The following NIPAL3 variants were observed in gnomAD, a reference collection of about 807,000 sequenced individuals.
NIPAL3 encodes the protein NIPA like domain containing 3, also known as NIPA-like protein 3.
In NIPAL3, 41 loss-of-function variants were observed where a neutral mutation model predicts 47.2. That is an observed-to-expected ratio of 0.87 (90% CI 0.68 to 1.13). The LOEUF (loss-of-function observed/expected upper bound fraction) is 1.13, where lower values mean the gene tolerates loss of function less well. NIPAL3 is among the 50% of genes most tolerant of loss of function. NIPAL3 has a pLI of 0.00. For synonymous variants in NIPAL3, 194 were observed against 209.6 expected (o/e 0.93, Z 0.64); for missense variants, 449 against 530.1 (o/e 0.85, Z 1.50).
chr1:24,432,017 T>G (rs1246397269), intron 2 of NIPAL3, among the ~76,000 whole-genome samples: 1 of 151,930 alleles, frequency 6.6e-6, no homozygotes, highest in Non-Finnish European at 1.5e-5. Flanking sequence ...CAGTTCAATG[T>G]ATGTTATGTG....
At chr1:24,437,472 A>C (rs1171916054) in intron 2 of NIPAL3, among the ~76,000 whole-genome samples, 1 of 152,212 alleles carries the variant, frequency 6.6e-6, no homozygotes, top group African/African-American at 2.4e-5. Flanking sequence ...GGCTAATAAT[A>C]AACATGTCCC....
At chr1:24,453,292 G>T (rs1646028838) in intron 6 of NIPAL3, 116 bp from the exon 7 acceptor site, 1 of 679,904 alleles carries the variant, frequency 1.5e-6, no homozygotes, top group Non-Finnish European at 2.6e-6. Flanking sequence ...CTGAATCATA[G>T]CTCAGTCATT....
At chr1:24,422,919 A>T (rs551925206) in intron 2 of NIPAL3, among the ~76,000 whole-genome samples, 2 of 152,340 alleles carry the variant, frequency 1.3e-5, no homozygotes, top group South Asian at 2.1e-4. Flanking sequence ...TATACAAATC[A>T]TAAGCTCTAG....
intron 2 of NIPAL3, among the ~76,000 whole-genome samples, chr1:24,422,688 C>T (rs1194974288): frequency 6.6e-6 from 1 of 152,174 alleles, no homozygotes; most frequent in Non-Finnish European, 1.5e-5. Context: ...ACACCAACTC[C>T]ATCATCCTGA....
intron 5 of NIPAL3, among the ~76,000 whole-genome samples, chr1:24,446,068 T>C (rs1358189588): frequency 2.5e-5 from 1 of 40,740 alleles, no homozygotes; most frequent in Non-Finnish European, 5.4e-5. Context: ...GAGATTATAG[T>C]CGTGTGTGTG....
In NIPAL3 at chr1:24,416,044, G is replaced by A; in HGVS notation, c.-258+140G>A. The A allele has an allele frequency of 2.0e-6, 2 of 985,552 alleles. No homozygotes were observed. Among genetic ancestry groups the A allele is most frequent in the Non-Finnish European group, 1.2e-6 (1 of 830,036 alleles). The allele number at this position is 985,552 out of a possible 1,614,324, so 61.1% of individuals were successfully genotyped here. On this transcript the variant is annotated intron_variant, in intron 1 of 11. Transcript: ENST00000374399. The surrounding 1 kb of genome is among the most constrained non-coding windows in gnomAD (Gnocchi z 4.8). ...CACCAGCCTCGCCAACCTGGGTCCC[G>A]TTGCCTTGGAATGTTCTTTCCAGTT...
rs1646815621 is a variant in NIPAL3 at position 24,469,049 on chromosome 1, A to G, written c.1085A>G (p.Tyr362Cys). 3.1e-6 allele frequency: 5 copies of G among 1,614,006 alleles called. No individual in the cohort carries two copies. In the African/African-American group the frequency reaches 4.0e-5, roughly 13 times the overall value. ...VQPELKASFS[Y>C]GALENNDNIS... ...CCTGAACTTAAAGCTTCTTTTTCCT[A>G]TGGGGCTCTGGAAAACAATGACAAC... Residue 362 changes from tyrosine (Y) to cysteine (C), a missense_variant, in exon 12 of 12, where the codon TAT (tyrosine) becomes TGT (cysteine). Transcript: ENST00000374399.
chr1:24,419,722 G>T lies in NIPAL3; in HGVS notation c.93+82G>T. On this transcript the variant is annotated intron_variant, in intron 2 of 11. Transcript: ENST00000374399. ...GTGCTCTGCATTGGCTAACAGATATGTATGGGGTCTGCATGCCTGTCACTG... is the reference window on the plus strand; with the variant it reads ...GTGCTCTGCATTGGCTAACAGATATTTATGGGGTCTGCATGCCTGTCACTG... 2.1e-5 allele frequency: 25 copies of T among 1,202,848 alleles called. 1 individual carries two copies. In the South Asian group the frequency reaches 3.3e-4, roughly 16 times the overall value. 74.5% of individuals were successfully genotyped at this position (1,202,848 alleles called of 1,614,324 possible).
chr1:24,424,387 G>C (rs1038001395), intron 2 of NIPAL3, among the ~76,000 whole-genome samples: 1 of 152,054 alleles, frequency 6.6e-6, no homozygotes, highest in East Asian at 1.9e-4. Context: ...ACCTAACACA[G>C]TGTCTGACCA....
In NIPAL3 at chr1:24,425,491, C is replaced by T. The variant is rs148358248; in HGVS notation, c.93+5851C>T. On this transcript the variant is annotated intron_variant, in intron 2 of 11. Coordinates refer to ENST00000374399, the MANE Select transcript of NIPAL3 (RefSeq NM_020448.5). ...GTCTAGGAGGGAGGTGGGGAAGATA[C>T]ATTTTCACAAGTGTTTACCCCTCAA... 3.4e-3 allele frequency among the ~76,000 whole-genome samples: 511 copies of T among 152,256 alleles called. 1 individual carries two copies. Among genetic ancestry groups the T allele is most frequent in the Admixed American group, 5.1e-3 (78 of 15,294 alleles).
At chr1:24,432,889 A>C (rs1644938846) in intron 2 of NIPAL3, among the ~76,000 whole-genome samples, 1 of 152,232 alleles carries the variant, frequency 6.6e-6, no homozygotes, top group African/African-American at 2.4e-5. Flanking sequence ...CTCTCTAGTA[A>C]ACCCGATCAC....
chr1:24,470,957 GT>G lies in NIPAL3; in HGVS notation c.*1774del, dbSNP rs1393012637. The G allele has an allele frequency of 6.6e-6, 1 of 152,238 alleles. No individual in the cohort carries two copies. Among genetic ancestry groups the G allele is most frequent in the African/African-American group, 2.4e-5 (1 of 41,452 alleles). 9.4% of individuals were successfully genotyped at this position (152,238 alleles called of 1,614,324 possible). A position where few individuals can be genotyped will look rare whatever the true frequency, so the allele number is the denominator to read the frequency against. On this transcript the variant is annotated 3_prime_UTR_variant, in exon 12 of 12. Transcript: ENST00000374399. ...GACCCAGGCTACAAAATAAGACATAGTTCCTGCCCTCCAGGCCAGCAGAGGG... is the reference window on the plus strand; with the variant it reads ...GACCCAGGCTACAAAATAAGACATAGTCCTGCCCTCCAGGCCAGCAGAGGG...
At chr1:24,446,271 A>G (rs182082336) in intron 5 of NIPAL3, among the ~76,000 whole-genome samples, 57 of 152,222 alleles carry the variant, frequency 3.7e-4, no homozygotes, top group Middle Eastern at 3.4e-3. Flanking sequence ...TTTCCCCCCA[A>G]CTTTTAATTT....
At chr1:24,464,179 T>A in intron 11 of NIPAL3, 59 bp downstream of exon 11, 2 of 1,356,274 alleles carry the variant, frequency 1.5e-6, no homozygotes, top group Non-Finnish European at 2.1e-6. Context: ...TGCTACTTCC[T>A]GTTTAAAAAG....
Position 24,457,912 on chromosome 1 carries a change from T to A in NIPAL3, c.774-976T>A, listed in dbSNP as rs1646297453. 79 of 462,238 alleles carry A rather than the reference T, an allele frequency of 1.7e-4. 4 individuals are homozygous for A. Among genetic ancestry groups the A allele is most frequent in the South Asian group, 1.3e-3 (78 of 61,772 alleles). 28.6% of individuals were successfully genotyped at this position (462,238 alleles called of 1,614,324 possible). On this transcript the variant is annotated intron_variant, in intron 8 of 11. Coordinates refer to ENST00000374399, the MANE Select transcript of NIPAL3 (RefSeq NM_020448.5). ...TTATTTTTGGTCCCACTACAACAAT[T>A]CCAGTCATCACCTGGAAGCCCCTGC...
chr1:24,456,390 C>A, intron 8 of NIPAL3, 117 bp downstream of exon 8: 3 of 1,397,174 alleles, frequency 2.1e-6, no homozygotes, highest in Non-Finnish European at 3.0e-6. Flanking sequence ...CAGGGCCTGG[C>A]ATCCAGCATG....
chr1:24,434,544 G>A (rs901975948), intron 2 of NIPAL3, among the ~76,000 whole-genome samples: 8 of 152,124 alleles, frequency 5.3e-5, no homozygotes, highest in Non-Finnish European at 1.2e-4. Flanking sequence ...TAGAAGATCA[G>A]CAAGGAAATA....
chr1:24,444,691 C>T (rs1645573048), intron 4 of NIPAL3, among the ~76,000 whole-genome samples: 1 of 152,100 alleles, frequency 6.6e-6, no homozygotes, highest in Non-Finnish European at 1.5e-5. Context: ...CGTTTGAGTA[C>T]ATCTGTGAAC....
At chr1:24,465,465 T>C (rs1646659093) in intron 11 of NIPAL3, 1 of 152,060 alleles carries the variant, frequency 6.6e-6, no homozygotes, top group African/African-American at 2.4e-5. Flanking sequence ...TGGTGGAAAA[T>C]AGAAGGTAAC....
Sources: gnomAD v4.1 joint callset for allele counts (sites outside exome capture counted in the v4.1 genomes callset) on GRCh38, gnomAD v4.1.1 for gene constraint, Gnocchi (gnomAD v3.1) non-coding constraint, MANE v1.5 for transcripts, NCBI Gene and HGNC (gene_info 2026-07-23, HGNC 2026-07-21) for gene names.